Variants in CCDC91 observed in about 807,000 individuals in gnomAD.
The protein encoded by CCDC91 is coiled-coil domain-containing protein 91.
CCDC91 carries 48 observed loss-of-function variants against 63.2 expected under a neutral mutation model. That is an observed-to-expected ratio of 0.76 (90% CI 0.60 to 0.97). The LOEUF is 0.97. Among genes scored for constraint, CCDC91 ranks in the 50% least tolerant of loss-of-function variants. CCDC91 has a pLI of 0.00. For missense variants in CCDC91, 500 were observed against 494.6 expected, an observed-to-expected ratio of 1.01 and a Z score of -0.10; for synonymous variants, 167 against 165.8, an observed-to-expected ratio of 1.01 and a Z score of -0.06.
At chr12:28,413,592 A>G (rs1309283657) in intron 8 of CCDC91, among the ~76,000 whole-genome samples, 1 of 152,152 alleles carries the variant, frequency 6.6e-6, no homozygotes. Context: ...TATTTTGTAT[A>G]CATCCTGCTG....
intron 1 of CCDC91, among the ~76,000 whole-genome samples, chr12:28,208,262 A>G (rs949950345): frequency 1.4e-5 from 2 of 144,620 alleles, no homozygotes; most frequent in Admixed American, 6.8e-5. Flanking sequence ...AGTTATAATT[A>G]AAAACACAAT....
At chr12:28,275,705 C>T (rs1041823555) in intron 3 of CCDC91, among the ~76,000 whole-genome samples, 27 of 152,078 alleles carry the variant, frequency 1.8e-4, no homozygotes, top group Non-Finnish European at 3.4e-4. Context: ...TGATGAACAC[C>T]GATGCAAAAA....
chr12:28,491,379 C>T (rs1486412094), intron 12 of CCDC91, among the ~76,000 whole-genome samples: 1 of 151,500 alleles, frequency 6.6e-6, no homozygotes, highest in Non-Finnish European at 1.5e-5. Flanking sequence ...AGCTTAAAGC[C>T]TTATTTTGGA....
At chr12:28,396,087 A>AG (rs1946269301) in intron 8 of CCDC91, among the ~76,000 whole-genome samples, 1 of 152,218 alleles carries the variant, frequency 6.6e-6, no homozygotes, top group Non-Finnish European at 1.5e-5. Context: ...ACAAAACTAC[A>AG]TTCAAGGGCA....
At chr12:28,247,593 G>A (rs1228309594) in intron 1 of CCDC91, among the ~76,000 whole-genome samples, 1 of 152,132 alleles carries the variant, frequency 6.6e-6, no homozygotes, top group Non-Finnish European at 1.5e-5. Flanking sequence ...AGTGGAGAAT[G>A]GACTAGAAAG....
intron 8 of CCDC91, among the ~76,000 whole-genome samples, chr12:28,398,020 T>C (rs1946393450): frequency 6.6e-6 from 1 of 152,150 alleles, no homozygotes; most frequent in South Asian, 2.1e-4. Context: ...TATATATTTA[T>C]TCTGTATTCC....
chr12:28,467,811 T>C (rs966519723), intron 11 of CCDC91, among the ~76,000 whole-genome samples: 9 of 152,150 alleles, frequency 5.9e-5, no homozygotes, highest in Non-Finnish European at 1.3e-4. Context: ...AAGAGGAATT[T>C]TGGAAACTAC....
chr12:28,546,764 C>G (rs546268873), intron 12 of CCDC91, among the ~76,000 whole-genome samples: 1 of 151,898 alleles, frequency 6.6e-6, no homozygotes, highest in African/African-American at 2.4e-5. Flanking sequence ...ACAAGAGACA[C>G]TGATCCTCTA....
intron 1 of CCDC91, among the ~76,000 whole-genome samples, chr12:28,215,822 C>T (rs1592007985): frequency 6.6e-6 from 1 of 152,030 alleles, no homozygotes; most frequent in African/African-American, 2.4e-5. Context: ...TGGTAATTCT[C>T]AGGAATTGAT....
chr12:28,519,605 A>G (rs931047831), intron 12 of CCDC91, among the ~76,000 whole-genome samples: 2 of 150,978 alleles, frequency 1.3e-5, no homozygotes, highest in Non-Finnish European at 2.9e-5. Flanking sequence ...GTTCTAGGGT[A>G]CACGTGCACA....
intron 6 of CCDC91, among the ~76,000 whole-genome samples, chr12:28,317,464 G>A (rs1940013964): frequency 1.3e-5 from 2 of 151,858 alleles, no homozygotes; most frequent in African/African-American, 4.8e-5. Context: ...AAACTTGAAG[G>A]AAAAGACCAT....
intron 1 of CCDC91, among the ~76,000 whole-genome samples, chr12:28,229,267 G>A (rs1230474806): frequency 6.6e-6 from 1 of 151,764 alleles, no homozygotes; most frequent in African/African-American, 2.4e-5. Context: ...GCTGCTGCTG[G>A]CTTTGGGCTA....
At chr12:28,515,221 T>A (rs1244030699) in intron 12 of CCDC91, among the ~76,000 whole-genome samples, 2 of 151,876 alleles carry the variant, frequency 1.3e-5, no homozygotes, top group Non-Finnish European at 2.9e-5. Context: ...TATGGGGGAC[T>A]TCGGCAGGGA....
intron 11 of CCDC91, among the ~76,000 whole-genome samples, chr12:28,469,152 AT>A (rs923218125): frequency 2.0e-5 from 3 of 151,610 alleles, no homozygotes; most frequent in South Asian, 2.1e-4. Context: ...AATTATAATT[AT>A]TTTTTTTGCA....
At chr12:28,463,733 A>G (rs1950417704) in intron 11 of CCDC91, among the ~76,000 whole-genome samples, 2 of 152,148 alleles carry the variant, frequency 1.3e-5, no homozygotes, top group African/African-American at 4.8e-5. Flanking sequence ...TCTGGGGGTA[A>G]TAATAAAAAT....
At chr12:28,483,977 T>C (rs1273461523) in intron 11 of CCDC91, 75 bp from the exon 12 acceptor site, 1 of 771,296 alleles carries the variant, frequency 1.3e-6, no homozygotes, top group Non-Finnish European at 2.2e-6. Flanking sequence ...AAGAGGATGT[T>C]TAGTTTATAT....
At chr12:28,471,306 T>C (rs1453749764) in intron 11 of CCDC91, among the ~76,000 whole-genome samples, 1 of 152,184 alleles carries the variant, frequency 6.6e-6, no homozygotes, top group African/African-American at 2.4e-5. Context: ...AATACCTATA[T>C]ATGAACAAAC....
At chr12:28,452,003 C>T (rs1349610841) in intron 10 of CCDC91, among the ~76,000 whole-genome samples, 1 of 151,190 alleles carries the variant, frequency 6.6e-6, no homozygotes, top group Non-Finnish European at 1.5e-5. Context: ...TTTACAGACA[C>T]ATACAGTAGC....
chr12:28,357,578 C>CAT (rs1254550391), intron 6 of CCDC91, among the ~76,000 whole-genome samples: 3 of 152,066 alleles, frequency 2.0e-5, no homozygotes, highest in Admixed American at 1.3e-4. Flanking sequence ...AATGAGAATA[C>CAT]ATTCTAATAG....
Sources: allele counts gnomAD v4.1 joint callset (sites outside exome capture counted in the v4.1 genomes callset), GRCh38; gene constraint gnomAD v4.1.1; transcripts MANE v1.5; gene names NCBI Gene and HGNC (gene_info 2026-07-23, HGNC 2026-07-21).